Variants in TSHZ2 observed in about 807,000 individuals in gnomAD.
TSHZ2 encodes teashirt homolog 2.
Under a neutral mutation model 74.4 loss-of-function variants are expected in TSHZ2, and 21 were observed. That is an observed-to-expected ratio of 0.28 (90% CI 0.20 to 0.41). The LOEUF is 0.41. TSHZ2 is among the 10% of genes least tolerant of loss of function. TSHZ2 has a pLI of 1.00. For missense variants in TSHZ2, 1,244 were observed against 1,293.5 expected, an observed-to-expected ratio of 0.96 and a Z score of 0.59; for synonymous variants, 540 against 515.3, an observed-to-expected ratio of 1.05 and a Z score of -0.65.
intron 1 of TSHZ2, among the ~76,000 whole-genome samples, chr20:53,129,792 G>C (rs750316412): frequency 2.0e-5 from 3 of 151,862 alleles, no homozygotes; most frequent in Non-Finnish European, 4.4e-5. Flanking sequence ...CCTTCGGTTG[G>C]ATGATCCACC....
chr20:53,481,836 G>A (rs1454144191), intron 2 of TSHZ2, among the ~76,000 whole-genome samples: 1 of 152,072 alleles, frequency 6.6e-6, no homozygotes, highest in Non-Finnish European at 1.5e-5. Context: ...GGGTGCAGTG[G>A]CTTACGCCTG....
chr20:53,186,016 A>T (rs1315952684), intron 1 of TSHZ2, among the ~76,000 whole-genome samples: 1 of 152,222 alleles, frequency 6.6e-6, no homozygotes, highest in Non-Finnish European at 1.5e-5. Flanking sequence ...GGCTTTAATC[A>T]GCCCTGCTGC....
chr20:53,221,250 A>G (rs995684554), intron 1 of TSHZ2, among the ~76,000 whole-genome samples: 1 of 152,180 alleles, frequency 6.6e-6, no homozygotes, highest in Non-Finnish European at 1.5e-5. Flanking sequence ...CTGTGAGTCC[A>G]TTAAACCTCC....
intron 2 of TSHZ2, among the ~76,000 whole-genome samples, chr20:53,341,248 T>C (rs780364050): frequency 3.9e-5 from 6 of 152,138 alleles, no homozygotes; most frequent in Non-Finnish European, 8.8e-5. Flanking sequence ...ATCGCCAGCC[T>C]TCCAGAGCAT....
chr20:53,212,065 G>A (rs910253218), intron 1 of TSHZ2, among the ~76,000 whole-genome samples: 3 of 152,144 alleles, frequency 2.0e-5, no homozygotes, highest in African/African-American at 7.2e-5. Context: ...GCTCAAAATT[G>A]TTCCTAACTC....
At chr20:53,366,113 A>G (rs2145613118) in intron 2 of TSHZ2, among the ~76,000 whole-genome samples, 1 of 152,366 alleles carries the variant, frequency 6.6e-6, no homozygotes, top group East Asian at 1.9e-4. Flanking sequence ...GTGTTGAAAT[A>G]GTCTGAGTGC....
At chr20:53,447,896 T>C (rs1269791462) in intron 2 of TSHZ2, among the ~76,000 whole-genome samples, 1 of 150,432 alleles carries the variant, frequency 6.6e-6, no homozygotes, top group East Asian at 1.9e-4. Flanking sequence ...CAGTGAGTAT[T>C]GCCAGGGAAG....
intron 2 of TSHZ2, among the ~76,000 whole-genome samples, chr20:53,418,073 G>A (rs910683406): frequency 5.3e-5 from 8 of 152,206 alleles, no homozygotes; most frequent in Non-Finnish European, 1.0e-4. Context: ...TGAGGTTGGA[G>A]GGGACCCTTA....
intron 1 of TSHZ2, among the ~76,000 whole-genome samples, chr20:52,978,055 T>G (rs1018297863): frequency 6.6e-6 from 1 of 152,236 alleles, no homozygotes; most frequent in Non-Finnish European, 1.5e-5. Flanking sequence ...GGTCGGTCCC[T>G]GAAGCAGCTT....
chr20:53,291,993 TAA>T (rs11411553), intron 2 of TSHZ2, among the ~76,000 whole-genome samples: 18 of 141,126 alleles, frequency 1.3e-4, no homozygotes, highest in South Asian at 2.2e-4. Flanking sequence ...GGATAGCATT[TAA>T]AAAAAAAAAA....
chr20:53,417,699 T>C (rs1330212604), intron 2 of TSHZ2, among the ~76,000 whole-genome samples: 2 of 152,196 alleles, frequency 1.3e-5, no homozygotes, highest in Non-Finnish European at 2.9e-5. Flanking sequence ...AAATTTCTGA[T>C]GTCTAACCTA....
At chr20:53,410,599 T>C (rs1983019727) in intron 2 of TSHZ2, among the ~76,000 whole-genome samples, 1 of 147,710 alleles carries the variant, frequency 6.8e-6, no homozygotes, top group African/African-American at 2.5e-5. Flanking sequence ...TTATTATTAT[T>C]ATTATTATTA....
rs550967792 is a variant in TSHZ2, at chr20:53,464,195, C to T, written c.*9-22949C>T. On this transcript the variant is annotated intron_variant, in intron 2 of 2. Coordinates refer to ENST00000371497, the MANE Select transcript of TSHZ2 (RefSeq NM_173485.6). ...GGAGACTGTTGCACAAACAGTCCCA[C>T]CTCTGCTCTCCTAGAACCTGAATGC... 6.6e-5 allele frequency among the ~76,000 whole-genome samples: 10 copies of T among 152,318 alleles called. 1 individual carries two copies. In the East Asian group the frequency reaches 1.9e-3, roughly 29 times the overall value.
intron 1 of TSHZ2, among the ~76,000 whole-genome samples, chr20:52,977,461 CACACACACGCAT>C (rs1380038329): frequency 1.4e-5 from 2 of 144,446 alleles, no homozygotes; most frequent in Non-Finnish European, 3.0e-5. Context: ...CACACACACA[CACACACACGCAT>C]GGACACAATA....
intron 1 of TSHZ2, among the ~76,000 whole-genome samples, chr20:53,107,106 G>A (rs6123249): frequency 0.066 from 10,102 of 152,172 alleles, 797 homozygotes; most frequent in East Asian, 0.36. Flanking sequence ...GCCCAGAACA[G>A]GCCCTAGAAT....
intron 2 of TSHZ2, among the ~76,000 whole-genome samples, chr20:53,442,068 G>C (rs2145759028): frequency 1.3e-5 from 2 of 152,330 alleles, no homozygotes; most frequent in Middle Eastern, 3.4e-3. Flanking sequence ...TGCGTAGGTG[G>C]GGCTTAGCTG....
At chr20:53,323,709 G>C (rs1979377904) in intron 2 of TSHZ2, among the ~76,000 whole-genome samples, 1 of 150,798 alleles carries the variant, frequency 6.6e-6, no homozygotes, top group Non-Finnish European at 1.5e-5. Flanking sequence ...CTGAGTAGCT[G>C]GGATTACAGG....
At chr20:52,975,496 T>TA (rs1257266566) in intron 1 of TSHZ2, among the ~76,000 whole-genome samples, 1 of 149,666 alleles carries the variant, frequency 6.7e-6, no homozygotes, top group African/African-American at 2.5e-5. Flanking sequence ...TGCTGGCTAG[T>TA]TTATTGGTGT....
intron 2 of TSHZ2, among the ~76,000 whole-genome samples, chr20:53,319,530 G>C (rs1481489260): frequency 6.6e-6 from 1 of 152,208 alleles, no homozygotes. Flanking sequence ...TTTGGGAAAG[G>C]GACAGAATGA....
Sources: allele counts gnomAD v4.1 joint callset (sites outside exome capture counted in the v4.1 genomes callset), GRCh38; gene constraint gnomAD v4.1.1; transcripts MANE v1.5; gene names NCBI Gene and HGNC (gene_info 2026-07-23, HGNC 2026-07-21).